Variants in RALY observed in about 807,000 individuals in gnomAD.
RALY encodes RNA-binding protein Raly.
A neutral mutation model predicts 30.7 loss-of-function variants in RALY; 15 were observed. The ratio of observed to expected loss-of-function variants is 0.49; its 90% CI spans 0.33 to 0.75. RALY has a LOEUF of 0.75. Among genes scored for constraint, RALY ranks in the 30% least tolerant of loss-of-function variants. The pLI is 0.02. For missense variants in RALY, 339 were observed against 414.3 expected, an observed-to-expected ratio of 0.82 and a Z score of 1.58; for synonymous variants, 177 against 170.8, an observed-to-expected ratio of 1.04 and a Z score of -0.28.
intron 2 of RALY, among the ~76,000 whole-genome samples, chr20:34,059,915 C>T (rs1382694292): frequency 1.3e-5 from 2 of 152,198 alleles, no homozygotes; most frequent in African/African-American, 2.4e-5. Flanking sequence ...CACAAGGAGG[C>T]CTTGGTGGGA....
At chr20:34,044,287 A>G (rs369793124) in intron 2 of RALY, among the ~76,000 whole-genome samples, 24 of 151,982 alleles carry the variant, frequency 1.6e-4, no homozygotes, top group South Asian at 4.1e-4. Flanking sequence ...ATATTTGTCT[A>G]TTTGTACGAG....
chr20:34,002,124 G>A (rs958842063), intron 1 of RALY, among the ~76,000 whole-genome samples: 4 of 152,080 alleles, frequency 2.6e-5, no homozygotes, highest in South Asian at 2.1e-4. Context: ...TTGTTTTTGC[G>A]GATACCTGTA....
At position 34,072,341 on chromosome 20, in the gene RALY, C is replaced by T; in HGVS notation, c.256+11C>T. 1 of 1,608,282 alleles carries T rather than the reference C, an allele frequency of 6.2e-7. No homozygotes were observed. Among genetic ancestry groups the T allele is most frequent in the Non-Finnish European group, 8.5e-7 (1 of 1,178,994 alleles). ...CCGGGCAGACCCTGGGTAAGCCTCT[C>T]TTCACTATATTCTCCTAGTATTCTC... On this transcript the variant is annotated intron_variant, in intron 3 of 9. Transcript: ENST00000246194.
Position 34,072,158 on chromosome 20 carries a change from C to G in RALY, c.84C>G (p.Leu28=), listed in dbSNP as rs776892592. ...SINSRVFIGN[L]NTALVKKSDV... ...ACTCTCGAGTCTTCATTGGAAACCTCAACACAGCTCTGGTGAAGAAATCAG... is the reference window on the plus strand; with the variant it reads ...ACTCTCGAGTCTTCATTGGAAACCTGAACACAGCTCTGGTGAAGAAATCAG... The change falls in exon 3 of 10, where the codon CTC becomes CTG. Residue 28 remains leucine, a synonymous_variant. Coordinates refer to ENST00000246194, the MANE Select transcript of RALY (RefSeq NM_016732.3). The G allele has an allele frequency of 2.8e-5, 45 of 1,614,122 alleles. No homozygotes were observed. The highest frequency in any genetic ancestry group is 3.7e-5 in the Non-Finnish European group (44 of 1,180,050).
chr20:34,078,677 C>A, intron 9 of RALY, 124 bp downstream of exon 9: 1 of 890,974 alleles, frequency 1.1e-6, no homozygotes, highest in Non-Finnish European at 1.6e-6. Flanking sequence ...TGACTATACC[C>A]AAGAATGAAG....
In RALY at chr20:34,082,791, G is replaced by T. The variant is rs536198520; in HGVS notation, c.*2886G>T. ...TCGGGGCAGCAAAAACATCCATTCC[G>T]CTGCGCAACAGTTGTCATTTTTCTA... On this transcript the variant is annotated 3_prime_UTR_variant, in exon 10 of 10. Coordinates refer to ENST00000246194, the MANE Select transcript of RALY (RefSeq NM_016732.3). 1 of 152,204 alleles carries T rather than the reference G, an allele frequency of 6.6e-6. No homozygotes were observed. Among genetic ancestry groups the T allele is most frequent in the South Asian group, 2.1e-4 (1 of 4,830 alleles). The allele number at this position is 152,204 out of a possible 1,614,324, so 9.4% of individuals were successfully genotyped here.
chr20:34,050,702 T>G (rs1393720630), intron 2 of RALY, among the ~76,000 whole-genome samples: 1 of 152,202 alleles, frequency 6.6e-6, no homozygotes, highest in Non-Finnish European at 1.5e-5. Flanking sequence ...ATGGGGTTAG[T>G]CTCCTGGACA....
At chr20:34,019,442 A>G (rs150345022) in intron 1 of RALY, among the ~76,000 whole-genome samples, 5 of 152,258 alleles carry the variant, frequency 3.3e-5, no homozygotes, top group African/African-American at 7.2e-5. Flanking sequence ...TTAAGTGGTT[A>G]CCTGGCCAGA....
chr20:33,994,194 C>T (rs1371091631), intron 1 of RALY, 63 bp downstream of exon 1: 2 of 152,562 alleles, frequency 1.3e-5, no homozygotes, highest in Non-Finnish European at 2.9e-5. Flanking sequence ...TGTGCCTTTC[C>T]GTTCACTCAC....
chr20:34,001,815 G>A (rs1345437611), intron 1 of RALY, among the ~76,000 whole-genome samples: 1 of 152,064 alleles, frequency 6.6e-6, no homozygotes, highest in Non-Finnish European at 1.5e-5. Context: ...TGCTCAGGCT[G>A]GAGTGCAGTG....
rs1393166630 is a variant in RALY at position 34,078,509 on chromosome 20, A to C, written c.881A>C (p.His294Pro). 6.3e-7 allele frequency: 1 copy of C among 1,584,470 alleles called. No individual in the cohort carries two copies. The part of the protein sequence containing the change: ...LLTHSEEELE[H>P]SQDTDADDGA... ...CTCTTACCTCCTCCCTATCAGGAAC[A>C]CAGCCAGGACACAGACGCGGATGAT... Residue 294 changes from histidine (H) to proline (P), a missense_variant, in exon 9 of 10, where the codon CAC (histidine) becomes CCC (proline). By Grantham distance (77) the His-to-Pro change is moderately conservative. Around this residue, in one of 2 missense-constraint regions of RALY, gnomAD observed 268 missense variants for 280.6 expected, o/e 0.95. Coordinates refer to ENST00000246194, the MANE Select transcript of RALY (RefSeq NM_016732.3).
chr20:34,010,328 A>G lies in RALY; in HGVS notation c.-93+16197A>G, dbSNP rs1391330825. Reference sequence around the variant, plus strand: ...ACTGCACCCTCTACCTCCCGGGCTCAGGTGGTTCTCCCACCTCAGTCTCCT... The same window carrying G: ...ACTGCACCCTCTACCTCCCGGGCTCGGGTGGTTCTCCCACCTCAGTCTCCT... On this transcript the variant is annotated intron_variant, in intron 1 of 9. Transcript: ENST00000246194. Among the ~76,000 whole-genome samples the G allele has an allele frequency of 3.3e-5, 5 of 152,168 alleles. 1 individual carries two copies. The highest frequency in any genetic ancestry group is 3.3e-4 in the Admixed American group (5 of 15,276).
At chr20:34,050,296 A>C (rs544447480) in intron 2 of RALY, among the ~76,000 whole-genome samples, 1 of 152,230 alleles carries the variant, frequency 6.6e-6, no homozygotes, top group African/African-American at 2.4e-5. Context: ...AGTTCGGTTC[A>C]AACAATTCTT....
chr20:34,066,555 T>C (rs2033578930), intron 2 of RALY, among the ~76,000 whole-genome samples: 1 of 152,152 alleles, frequency 6.6e-6, no homozygotes, highest in South Asian at 2.1e-4. Flanking sequence ...TCTCTGGGCC[T>C]CTTATTTGTT....
intron 1 of RALY, among the ~76,000 whole-genome samples, chr20:34,011,793 C>T (rs562523929): frequency 1.3e-5 from 2 of 152,220 alleles, no homozygotes; most frequent in South Asian, 4.1e-4. Context: ...GGGCCAGACA[C>T]GGTGGTTCAT....
intron 1 of RALY, among the ~76,000 whole-genome samples, chr20:34,030,757 T>C (rs561328070): frequency 1.3e-5 from 2 of 152,338 alleles, no homozygotes; most frequent in South Asian, 4.1e-4. Context: ...CTCATTCTCC[T>C]TATGACTCCA....
intron 8 of RALY, chr20:34,077,462 A>G (rs1670744036): frequency 9.7e-7 from 1 of 1,031,994 alleles, no homozygotes; most frequent in Admixed American, 2.9e-5. Flanking sequence ...CCTAGGGCAG[A>G]CCTCCCCCAA....
chr20:34,072,400 C>T, intron 3 of RALY, 70 bp downstream of exon 3: 3 of 1,511,698 alleles, frequency 2.0e-6, no homozygotes, highest in Non-Finnish European at 8.8e-7. Flanking sequence ...AGTTCTCAAC[C>T]CCCTTCTCTC....
chr20:34,032,056 G>A (rs768321930), intron 2 of RALY, among the ~76,000 whole-genome samples: 1 of 152,142 alleles, frequency 6.6e-6, no homozygotes, highest in Non-Finnish European at 1.5e-5. Context: ...TCCGCCTCCC[G>A]GGTTCAAGCA....
Sources: gnomAD v4.1 joint callset for allele counts (sites outside exome capture counted in the v4.1 genomes callset) on GRCh38, gnomAD v4.1.1 for gene constraint, gnomAD v4.1.1 regional missense constraint, MANE v1.5 for transcripts, NCBI Gene and HGNC (gene_info 2026-07-23, HGNC 2026-07-21) for gene names.